Variants in KIAA0825 observed in about 807,000 individuals in gnomAD.
KIAA0825 encodes uncharacterized protein KIAA0825.
KIAA0825 carries 119 observed loss-of-function variants against 147.6 expected under a neutral mutation model. The observed-to-expected ratio is 0.81, with a 90% CI of 0.69 to 0.94. KIAA0825 has a LOEUF of 0.94. Among genes scored for constraint, KIAA0825 ranks in the 40% least tolerant of loss-of-function variants. The probability of loss-of-function intolerance (pLI) is 0.00; values close to 1 mark genes in which losing one functional copy is unlikely to be tolerated. For synonymous variants in KIAA0825, 470 were observed against 518.1 expected, an observed-to-expected ratio of 0.91 and a Z score of 1.26; for missense variants, 1,381 against 1,472.7, an observed-to-expected ratio of 0.94 and a Z score of 1.02.
intron 20 of KIAA0825, among the ~76,000 whole-genome samples, chr5:94,256,271 A>G (rs974832742): frequency 1.3e-5 from 2 of 152,144 alleles, no homozygotes; most frequent in African/African-American, 4.8e-5. Context: ...ATTTTAATGC[A>G]GTCATCTCTT....
chr5:94,246,337 T>C (rs557227562), intron 20 of KIAA0825, among the ~76,000 whole-genome samples: 27 of 152,148 alleles, frequency 1.8e-4, no homozygotes, highest in Non-Finnish European at 3.1e-4. Context: ...GTGAAGGAAG[T>C]TGATGATATA....
At chr5:94,443,402 T>G (rs995651583) in intron 13 of KIAA0825, among the ~76,000 whole-genome samples, 5 of 151,842 alleles carry the variant, frequency 3.3e-5, no homozygotes, top group African/African-American at 1.2e-4. Context: ...GTATCAAATA[T>G]GTACATGTTG....
chr5:94,229,805 A>G (rs550561557), intron 20 of KIAA0825, among the ~76,000 whole-genome samples: 2 of 152,164 alleles, frequency 1.3e-5, no homozygotes, highest in African/African-American at 4.8e-5. Context: ...CTCTGAGAAT[A>G]TTTATTGTAG....
intron 20 of KIAA0825, among the ~76,000 whole-genome samples, chr5:94,235,635 A>G (rs753113261): frequency 5.3e-5 from 8 of 152,242 alleles, no homozygotes; most frequent in South Asian, 4.1e-4. Context: ...ACAGCCTTCT[A>G]TTGGAAGAAG....
At chr5:94,222,616 A>T (rs1773767326) in intron 20 of KIAA0825, among the ~76,000 whole-genome samples, 1 of 152,216 alleles carries the variant, frequency 6.6e-6, no homozygotes, top group Non-Finnish European at 1.5e-5. Context: ...AGAAAATCAC[A>T]TTTGTGACCA....
At chr5:94,472,315 A>G (rs751334918) in intron 8 of KIAA0825, among the ~76,000 whole-genome samples, 2 of 152,172 alleles carry the variant, frequency 1.3e-5, no homozygotes, top group Non-Finnish European at 2.9e-5. Flanking sequence ...CCTTAATGGC[A>G]GAAGGGAGGT....
intron 13 of KIAA0825, among the ~76,000 whole-genome samples, chr5:94,446,353 A>T (rs1286714923): frequency 4.6e-5 from 7 of 152,216 alleles, no homozygotes; most frequent in Non-Finnish European, 1.0e-4. Context: ...AATAAAGATA[A>T]AGTAACAATT....
At chr5:94,594,408 G>C in intron 1 of KIAA0825, 1 of 764,124 alleles carries the variant, frequency 1.3e-6, no homozygotes, top group Non-Finnish European at 2.4e-6. Context: ...TTGTGTAAAA[G>C]CCTCAGTTCT....
chr5:94,272,039 T>C (rs546869783), intron 20 of KIAA0825, among the ~76,000 whole-genome samples: 1 of 148,884 alleles, frequency 6.7e-6, no homozygotes, highest in Non-Finnish European at 1.5e-5. Flanking sequence ...CTGGAGGTCA[T>C]TATGTTAAGT....
At chr5:94,393,927 C>T (rs1750260484) in intron 17 of KIAA0825, among the ~76,000 whole-genome samples, 1 of 151,582 alleles carries the variant, frequency 6.6e-6, no homozygotes, top group African/African-American at 2.4e-5. Flanking sequence ...CGGCTCACGG[C>T]AACCTCCGCC....
chr5:94,554,716 CTATATATA>C (rs70978114), intron 2 of KIAA0825, among the ~76,000 whole-genome samples: 4,992 of 66,886 alleles, frequency 0.075, 151 homozygotes, highest in East Asian at 0.1. Context: ...GTTCTGTGTA[CTATATATA>C]TATATATATA....
intron 20 of KIAA0825, among the ~76,000 whole-genome samples, chr5:94,260,432 A>G (rs961677827): frequency 2.6e-5 from 4 of 152,184 alleles, no homozygotes; most frequent in Non-Finnish European, 5.9e-5. Context: ...AACAGGTTCC[A>G]GTAAGAACAG....
intron 1 of KIAA0825, chr5:94,593,047 G>C (rs955739126): frequency 2.2e-5 from 15 of 685,016 alleles, no homozygotes; most frequent in Middle Eastern, 3.2e-4. Context: ...GTATGTCAGA[G>C]ACCATTCTCA....
intron 20 of KIAA0825, among the ~76,000 whole-genome samples, chr5:94,359,655 G>A (rs752733667): frequency 8.5e-5 from 13 of 152,284 alleles, no homozygotes; most frequent in South Asian, 2.1e-4. Flanking sequence ...GGCAGAGACC[G>A]TGGGCTTGAA....
chr5:94,424,627 C>T (rs1754613523), intron 14 of KIAA0825, among the ~76,000 whole-genome samples: 1 of 151,944 alleles, frequency 6.6e-6, no homozygotes, highest in Non-Finnish European at 1.5e-5. Flanking sequence ...AACAAGAACA[C>T]ACATAACCCA....
chr5:94,174,359 G>T (rs1768894472), intron 20 of KIAA0825, among the ~76,000 whole-genome samples: 1 of 151,950 alleles, frequency 6.6e-6, no homozygotes, highest in Admixed American at 6.6e-5. Flanking sequence ...AACGGAGTTT[G>T]CAAATCCAAG....
At chr5:94,337,461 C>A (rs1025972037) in intron 20 of KIAA0825, among the ~76,000 whole-genome samples, 7 of 152,146 alleles carry the variant, frequency 4.6e-5, no homozygotes, top group African/African-American at 7.2e-5. Flanking sequence ...ACTATCGTTT[C>A]TCTATTGTTT....
intron 20 of KIAA0825, among the ~76,000 whole-genome samples, chr5:94,277,914 C>T (rs991785531): frequency 6.6e-6 from 1 of 152,150 alleles, no homozygotes; most frequent in South Asian, 2.1e-4. Flanking sequence ...ACATATACAC[C>T]GTGGAATACT....
intron 20 of KIAA0825, among the ~76,000 whole-genome samples, chr5:94,247,283 A>C (rs1182527222): frequency 1.3e-5 from 2 of 152,158 alleles, no homozygotes; most frequent in African/African-American, 4.8e-5. Context: ...ATCATCACAG[A>C]ACATACTACT....
Sources: gnomAD v4.1 joint callset for allele counts (sites outside exome capture counted in the v4.1 genomes callset) on GRCh38, gnomAD v4.1.1 for gene constraint, MANE v1.5 for transcripts, NCBI Gene and HGNC (gene_info 2026-07-23, HGNC 2026-07-21) for gene names.